The following DPYD variants were observed in gnomAD, a reference collection of about 807,000 sequenced individuals.
DPYD encodes the protein dihydropyrimidine dehydrogenase, also known as dihydropyrimidine dehydrogenase [NADP(+)].
In DPYD, 109 loss-of-function variants were observed where a neutral mutation model predicts 116.2. The observed-to-expected ratio is 0.94, with a 90% CI of 0.80 to 1.10. The LOEUF (loss-of-function observed/expected upper bound fraction) is 1.10, where lower values mean the gene tolerates loss of function less well. Ranked by LOEUF, DPYD falls within the 50% of genes least tolerant of loss-of-function variation. The pLI, the probability that DPYD is intolerant of heterozygous loss-of-function variation, is 0.00. For synonymous variants in DPYD, 440 were observed against 432.0 expected (o/e 1.02, Z -0.23); for missense variants, 1,302 against 1,254.5 (o/e 1.04, Z -0.57).
chr1:97,768,344 G>A (rs1306895078), intron 3 of DPYD, among the ~76,000 whole-genome samples: 1 of 152,108 alleles, frequency 6.6e-6, no homozygotes, highest in African/African-American at 2.4e-5. Flanking sequence ...AAACGAACTC[G>A]TGTCCTGAAT....
intron 3 of DPYD, among the ~76,000 whole-genome samples, chr1:97,785,234 A>G (rs1021674610): frequency 1.2e-4 from 19 of 152,186 alleles, no homozygotes; most frequent in African/African-American, 4.6e-4. Flanking sequence ...ATAATTATGC[A>G]TATTTCATTT....
Position 97,751,460 on chromosome 1 carries a change from G to GTATATATATATATATA in DPYD, c.234-10997_234-10982dup, listed in dbSNP as rs1553233231. Among the ~76,000 whole-genome samples the GTATATATATATATATA allele has an allele frequency of 6.1e-4, 13 of 21,284 alleles. 1 individual carries two copies. Among genetic ancestry groups the GTATATATATATATATA allele is most frequent in the African/African-American group, 1.2e-3 (7 of 5,784 alleles). The allele number at this position is 21,284 out of a possible 152,430, so 14.0% of individuals were successfully genotyped here. Reference sequence around the variant, plus strand: ...TGTGTGTGTGTGTGTGTGTGTGTGTGTATATATATATATATATATATATAT... The same window carrying GTATATATATATATATA: ...TGTGTGTGTGTGTGTGTGTGTGTGTGTATATATATATATATATATATATATATATATATATATATAT... On this transcript the variant is annotated intron_variant, in intron 3 of 22. Transcript: ENST00000370192.
At position 97,841,368 on chromosome 1, in the gene DPYD, T is replaced by C. The variant is rs1195284587; in HGVS notation, c.151-13172A>G. Among the ~76,000 whole-genome samples, 4 of 152,084 alleles carry C rather than the reference T, an allele frequency of 2.6e-5. No homozygotes were observed. In the East Asian group the frequency reaches 7.7e-4, roughly 29 times the overall value. On this transcript the variant is annotated intron_variant, in intron 2 of 22. Coordinates refer to ENST00000370192, the MANE Select transcript of DPYD (RefSeq NM_000110.4). The stretch of plus-strand genomic sequence containing the variant: ...GATTAGTGACCCTTTCATCTCATCA[T>C]AATCCACAAGTGGCTTAACTTGTCA...
At position 97,079,098 on chromosome 1, in the gene DPYD, AAGT is replaced by A; in HGVS notation, c.2953_2955del (p.Thr985del). 1 of 1,613,756 alleles carries A rather than the reference AAGT, an allele frequency of 6.2e-7. No individual in the cohort carries two copies. The highest frequency in any genetic ancestry group is 1.1e-5 in the South Asian group (1 of 91,076). On this transcript the variant is annotated inframe_deletion, in exon 23 of 23. Transcript: ENST00000370192. ...CTGAGACACAGAGTACAGCCTGTAC[AAGT>A]GTCGGTTATGGTGGGCAGGTGGGTT... is the stretch of plus-strand genomic sequence containing the variant.
intron 8 of DPYD, among the ~76,000 whole-genome samples, chr1:97,623,345 T>C (rs777612347): frequency 4.0e-4 from 61 of 152,214 alleles, no homozygotes; most frequent in Non-Finnish European, 7.6e-4. Context: ...CTCATAAAGC[T>C]AGAGCAGGCT....
chr1:97,399,580 G>A (rs1673237073), intron 14 of DPYD, among the ~76,000 whole-genome samples: 1 of 152,134 alleles, frequency 6.6e-6, no homozygotes, highest in African/African-American at 2.4e-5. Context: ...CTGTCCATGA[G>A]CATGGAATGT....
intron 16 of DPYD, among the ~76,000 whole-genome samples, chr1:97,365,360 T>C (rs1405703954): frequency 6.6e-6 from 1 of 152,212 alleles, no homozygotes; most frequent in East Asian, 1.9e-4. Context: ...ATTATTCTTC[T>C]GTGACATTAC....
At chr1:97,610,815 A>C (rs576893333) in intron 8 of DPYD, among the ~76,000 whole-genome samples, 8 of 152,150 alleles carry the variant, frequency 5.3e-5, no homozygotes, top group African/African-American at 1.9e-4. Flanking sequence ...TGTTTGCTCA[A>C]ATCATGATTA....
chr1:97,611,209 A>G (rs1304673469), intron 8 of DPYD, among the ~76,000 whole-genome samples: 1 of 152,074 alleles, frequency 6.6e-6, no homozygotes, highest in Non-Finnish European at 1.5e-5. Flanking sequence ...AGCAGGCAAA[A>G]AGAGAGCCTG....
chr1:97,382,257 T>C (rs1473820721), intron 15 of DPYD, 136 bp downstream of exon 15: 1 of 493,484 alleles, frequency 2.0e-6, no homozygotes, highest in Non-Finnish European at 3.5e-6. Context: ...AAACAAATTA[T>C]AATAGAAATG....
At chr1:97,304,348 C>T (rs1027847970) in intron 18 of DPYD, among the ~76,000 whole-genome samples, 2 of 151,966 alleles carry the variant, frequency 1.3e-5, no homozygotes, top group African/African-American at 4.8e-5. Context: ...AGGTGCTCCT[C>T]GTCAGCCTTC....
chr1:97,741,351 GC>G (rs1664262669), intron 3 of DPYD, among the ~76,000 whole-genome samples: 2 of 152,200 alleles, frequency 1.3e-5, no homozygotes, highest in South Asian at 4.1e-4. Context: ...CGGGGGACTG[GC>G]CAGAGATGTA....
intron 18 of DPYD, among the ~76,000 whole-genome samples, chr1:97,289,159 G>C (rs1665949485): frequency 6.6e-6 from 1 of 152,118 alleles, no homozygotes; most frequent in Admixed American, 6.6e-5. Flanking sequence ...TCTCTGAATA[G>C]AGCAATAACA....
chr1:97,784,098 A>G (rs1026737210), intron 3 of DPYD, among the ~76,000 whole-genome samples: 7 of 152,152 alleles, frequency 4.6e-5, no homozygotes, highest in African/African-American at 1.7e-4. Context: ...TCAGCCATCT[A>G]ATATGCAATA....
rs541186060 is a variant in DPYD, at chr1:97,665,937, C to T, written c.850+13158G>A. 1.3e-5 allele frequency among the ~76,000 whole-genome samples: 2 copies of T among 152,152 alleles called. 1 individual carries two copies. Among genetic ancestry groups the T allele is most frequent in the South Asian group, 4.1e-4 (2 of 4,820 alleles). The stretch of plus-strand genomic sequence containing the variant: ...ATTGTTAGAATTCATCATGAAGAAT[C>T]CAGAGGCAGAACAATAAAGTGAAAA... On this transcript the variant is annotated intron_variant, in intron 8 of 22. Coordinates refer to ENST00000370192, the MANE Select transcript of DPYD (RefSeq NM_000110.4).
chr1:97,375,721 T>C (rs1671573530), intron 15 of DPYD, among the ~76,000 whole-genome samples: 1 of 152,232 alleles, frequency 6.6e-6, no homozygotes, highest in Admixed American at 6.5e-5. Flanking sequence ...CTGTGGATAA[T>C]ATGACCTGTC....
At chr1:97,595,220 T>C in intron 8 of DPYD, 54 bp from the exon 9 acceptor site, 3 of 1,437,592 alleles carry the variant, frequency 2.1e-6, no homozygotes, top group South Asian at 1.2e-5. Flanking sequence ...CTTTTCCTAT[T>C]AGATATTAAA....
Position 97,826,106 on chromosome 1 carries a change from T to C in DPYD, c.233+2008A>G, listed in dbSNP as rs558117012. Among the ~76,000 whole-genome samples the C allele has an allele frequency of 1.3e-3, 192 of 152,292 alleles. 1 individual carries two copies. Among genetic ancestry groups the C allele is most frequent in the Non-Finnish European group, 1.2e-3 (82 of 68,016 alleles). The stretch of plus-strand genomic sequence containing the variant: ...TCATGCCATAAAATTAAATTCTCAC[T>C]TAAATTATCCAGACTACTGCTTTGT... On this transcript the variant is annotated intron_variant, in intron 3 of 22. Coordinates refer to ENST00000370192, the MANE Select transcript of DPYD (RefSeq NM_000110.4).
At chr1:97,330,251 A>G (rs1668919024) in intron 16 of DPYD, among the ~76,000 whole-genome samples, 1 of 152,170 alleles carries the variant, frequency 6.6e-6, no homozygotes, top group South Asian at 2.1e-4. Context: ...TGAAAATTGA[A>G]AAGATGATAA....
Sources: gnomAD v4.1 joint callset for allele counts (sites outside exome capture counted in the v4.1 genomes callset) on GRCh38, gnomAD v4.1.1 for gene constraint, MANE v1.5 for transcripts, NCBI Gene and HGNC (gene_info 2026-07-23, HGNC 2026-07-21) for gene names.